Variants in UBE2V2 observed in about 807,000 individuals in gnomAD.
The protein encoded by UBE2V2 is ubiquitin-conjugating enzyme E2 variant 2.
In UBE2V2, 9 loss-of-function variants were observed where a neutral mutation model predicts 17.2. The ratio of observed to expected loss-of-function variants is 0.52; its 90% CI spans 0.32 to 0.91. UBE2V2 has a LOEUF of 0.91. UBE2V2 is among the 40% of genes least tolerant of loss of function. The pLI is 0.04. For missense variants in UBE2V2, 133 were observed against 182.6 expected, an observed-to-expected ratio of 0.73 and a Z score of 1.56; for synonymous variants, 61 against 57.5, an observed-to-expected ratio of 1.06 and a Z score of -0.28.
At chr8:48,009,724 C>G (rs750379102) in intron 1 of UBE2V2, among the ~76,000 whole-genome samples, 9 of 152,102 alleles carry the variant, frequency 5.9e-5, no homozygotes, top group South Asian at 2.1e-4. Flanking sequence ...AGAGTAATAC[C>G]TCAGGATACA....
chr8:48,009,637 T>C (rs1377548098), intron 1 of UBE2V2, among the ~76,000 whole-genome samples: 1 of 152,212 alleles, frequency 6.6e-6, no homozygotes, highest in Admixed American at 6.5e-5. Context: ...TATGCCATCA[T>C]TGCATAATAA....
At position 48,063,909 on chromosome 8, in the gene UBE2V2, TAC is replaced by T; in HGVS notation, c.*3083_*3084del. 1 of 152,332 alleles carries T rather than the reference TAC, an allele frequency of 6.6e-6. No individual in the cohort carries two copies. The highest frequency in any genetic ancestry group is 2.4e-5 in the African/African-American group (1 of 41,578). 9.4% of individuals were successfully genotyped at this position (152,332 alleles called of 1,614,324 possible). ...CCACTAAATATATAATATTGATAAA[TAC>T]ATGTGAAATTAATATTGTTTGGAAA... On this transcript the variant is annotated 3_prime_UTR_variant, in exon 4 of 4. Transcript: ENST00000523111.
intron 3 of UBE2V2, among the ~76,000 whole-genome samples, chr8:48,058,162 T>C (rs1265001525): frequency 6.6e-6 from 1 of 151,556 alleles, no homozygotes; most frequent in South Asian, 2.1e-4. Flanking sequence ...GACGAAACCC[T>C]GTCTCTATAA....
At chr8:48,014,788 C>A (rs146968196) in intron 1 of UBE2V2, among the ~76,000 whole-genome samples, 3,046 of 151,876 alleles carry the variant, frequency 0.02, 237 homozygotes, top group Admixed American at 0.14. Flanking sequence ...TGGTGGCTCA[C>A]GCCCGTAATC....
chr8:48,057,617 A>G (rs1275804893), intron 3 of UBE2V2, among the ~76,000 whole-genome samples: 2 of 150,346 alleles, frequency 1.3e-5, no homozygotes, highest in East Asian at 1.9e-4. Context: ...AATTATTTCT[A>G]TTTAATTTTT....
intron 1 of UBE2V2, among the ~76,000 whole-genome samples, chr8:48,026,241 T>G (rs1021624350): frequency 2.0e-5 from 3 of 152,108 alleles, no homozygotes; most frequent in Non-Finnish European, 4.4e-5. Flanking sequence ...AACCCGGGCT[T>G]CTTATTCTCT....
intron 3 of UBE2V2, among the ~76,000 whole-genome samples, chr8:48,059,576 T>C (rs1802558367): frequency 6.6e-6 from 1 of 151,870 alleles, no homozygotes. Context: ...ACCTGGCTAA[T>C]TTTTGTATTT....
intron 2 of UBE2V2, among the ~76,000 whole-genome samples, chr8:48,049,413 A>C (rs1034672604): frequency 5.3e-5 from 8 of 152,344 alleles, no homozygotes; most frequent in South Asian, 2.1e-4. Context: ...AGGAATAAGC[A>C]GAACTGTTCT....
At chr8:48,002,820 A>C in the UBE2V2 span, among the ~76,000 whole-genome samples, 28 of 152,308 alleles carry the variant, frequency 1.8e-4, no homozygotes, top group African/African-American at 6.7e-4. Context: ...AAGTGTCCTT[A>C]CCAGAATATG....
the UBE2V2 span, among the ~76,000 whole-genome samples, chr8:48,003,379 G>A: frequency 6.6e-6 from 1 of 152,152 alleles, no homozygotes; most frequent in African/African-American, 2.4e-5. Context: ...GTGGAGAAGA[G>A]TAAGCTTTAG....
intron 1 of UBE2V2, among the ~76,000 whole-genome samples, chr8:48,039,442 AT>A (rs931247695): frequency 6.6e-6 from 1 of 152,116 alleles, no homozygotes; most frequent in Non-Finnish European, 1.5e-5. Context: ...GGTTGAACAT[AT>A]TTTTATGTTT....
intron 1 of UBE2V2, among the ~76,000 whole-genome samples, chr8:48,023,253 A>G (rs1457555362): frequency 2.7e-5 from 4 of 148,050 alleles, no homozygotes; most frequent in African/African-American, 1.0e-4. Context: ...GTATTGCTCT[A>G]TCGCCAGGCT....
chr8:48,005,693 T>G (rs2091179128), upstream of UBE2V2, among the ~76,000 whole-genome samples: 1 of 152,240 alleles, frequency 6.6e-6, no homozygotes, highest in Admixed American at 6.5e-5. Flanking sequence ...GTTTCCTGAC[T>G]TTTTAATGAT....
intron 3 of UBE2V2, among the ~76,000 whole-genome samples, chr8:48,050,819 T>C (rs1197078951): frequency 6.6e-6 from 1 of 152,192 alleles, no homozygotes; most frequent in Non-Finnish European, 1.5e-5. Flanking sequence ...AGGGTTTTTT[T>C]CTTTAAAGAG....
At chr8:48,012,207 G>C (rs528298899) in intron 1 of UBE2V2, among the ~76,000 whole-genome samples, 1 of 152,180 alleles carries the variant, frequency 6.6e-6, no homozygotes, top group South Asian at 2.1e-4. Context: ...CCTTGTTTCA[G>C]ACTCTTAGAT....
At chr8:48,017,517 G>T (rs912653946) in intron 1 of UBE2V2, among the ~76,000 whole-genome samples, 2 of 151,960 alleles carry the variant, frequency 1.3e-5, no homozygotes, top group Admixed American at 6.6e-5. Context: ...GGGATTACAG[G>T]CATGTGCCAC....
chr8:48,047,126 A>G (rs1363891718), intron 2 of UBE2V2, among the ~76,000 whole-genome samples: 1 of 151,518 alleles, frequency 6.6e-6, no homozygotes, highest in African/African-American at 2.4e-5. Context: ...TTTTTAGTAG[A>G]GATGGGGTTT....
At position 48,043,042 on chromosome 8, in the gene UBE2V2, T is replaced by C. The variant is rs764022175; in HGVS notation, c.26T>C (p.Val9Ala). The C allele has an allele frequency of 6.4e-7, 1 of 1,565,568 alleles. No homozygotes were observed. Among genetic ancestry groups the C allele is most frequent in the Non-Finnish European group, 8.7e-7 (1 of 1,154,666 alleles). Residue 9 changes from valine (V) to alanine (A), a missense_variant, in exon 2 of 4, where the codon GTT (valine) becomes GCT (alanine). Coordinates refer to ENST00000523111, the MANE Select transcript of UBE2V2 (RefSeq NM_003350.3). Reference protein sequence around the residue: MAVSTGVKVPRNFRLLEEL... With the variant: MAVSTGVKAPRNFRLLEEL... The stretch of plus-strand genomic sequence containing the variant: ...ACGTTCTTTTGTATAGGAGTTAAAG[T>C]TCCTCGTAATTTTCGCTTGTTGGAA...
At chr8:48,001,116 C>T in the UBE2V2 span, among the ~76,000 whole-genome samples, 1 of 152,142 alleles carries the variant, frequency 6.6e-6, no homozygotes, top group African/African-American at 2.4e-5. Flanking sequence ...ACTCTGGACA[C>T]TATTTTCCCA....
Sources: gnomAD v4.1 joint callset for allele counts (sites outside exome capture counted in the v4.1 genomes callset) on GRCh38, gnomAD v4.1.1 for gene constraint, MANE v1.5 for transcripts, NCBI Gene and HGNC (gene_info 2026-07-23, HGNC 2026-07-21) for gene names.